RNF150: variants seen among roughly 807,000 people sequenced by gnomAD.
RNF150 encodes ring finger protein 150.
RNF150 carries 24 observed loss-of-function variants against 39.3 expected under a neutral mutation model. The ratio of observed to expected loss-of-function variants is 0.61; its 90% CI spans 0.44 to 0.86. The LOEUF (loss-of-function observed/expected upper bound fraction) is 0.86, where lower values mean the gene tolerates loss of function less well. Among genes scored for constraint, RNF150 ranks in the 40% least tolerant of loss-of-function variants. The pLI, the probability that RNF150 is intolerant of heterozygous loss-of-function variation, is 0.00. For missense variants in RNF150, 502 were observed against 587.8 expected, an observed-to-expected ratio of 0.85 and a Z score of 1.51; for synonymous variants, 255 against 227.3, an observed-to-expected ratio of 1.12 and a Z score of -1.10.
intron 1 of RNF150, among the ~76,000 whole-genome samples, chr4:140,991,466 G>A (rs1309346136): frequency 6.6e-6 from 1 of 151,826 alleles, no homozygotes; most frequent in African/African-American, 2.4e-5. Flanking sequence ...TTTCTTCTAG[G>A]GTTTTTATAG....
chr4:140,892,535 G>GAA lies in RNF150; in HGVS notation c.1198+18607_1198+18608dup, dbSNP rs1729790281. Among the ~76,000 whole-genome samples, 3 of 152,188 alleles carry GAA rather than the reference G, an allele frequency of 2.0e-5. No individual in the cohort carries two copies. In the South Asian group the frequency reaches 6.2e-4, roughly 31 times the overall value. On this transcript the variant is annotated intron_variant, in intron 6 of 6. Coordinates refer to ENST00000515673, the MANE Select transcript of RNF150 (RefSeq NM_020724.2). ...TGAACTGTACACAAATATTGGGTTTGAAAAAGACTTTTGTTAAAAACCCAA... is the reference window on the plus strand; with the variant it reads ...TGAACTGTACACAAATATTGGGTTTGAAAAAAAGACTTTTGTTAAAAACCCAA...
At chr4:141,079,599 C>T (rs576515849) in intron 1 of RNF150, among the ~76,000 whole-genome samples, 2 of 152,332 alleles carry the variant, frequency 1.3e-5, no homozygotes, top group African/African-American at 4.8e-5. Flanking sequence ...TGAGCAGCTG[C>T]TGTTGCTTTA....
intron 1 of RNF150, among the ~76,000 whole-genome samples, chr4:141,074,475 G>C (rs1487734721): frequency 6.6e-6 from 1 of 151,934 alleles, no homozygotes. Context: ...TGGTTCACAA[G>C]AAAAAAACTG....
chr4:140,882,844 A>G (rs554782669), intron 6 of RNF150, among the ~76,000 whole-genome samples: 5 of 152,010 alleles, frequency 3.3e-5, no homozygotes, highest in Admixed American at 6.6e-5. Context: ...GCATATAGTT[A>G]CCTTTTGTTT....
At chr4:141,103,164 A>G (rs1229705864) in intron 1 of RNF150, among the ~76,000 whole-genome samples, 2 of 152,180 alleles carry the variant, frequency 1.3e-5, no homozygotes, top group African/African-American at 4.8e-5. Context: ...TGAGAGATAA[A>G]GACTGCTAGA....
chr4:141,013,103 G>A (rs1735135268), intron 1 of RNF150, among the ~76,000 whole-genome samples: 1 of 152,152 alleles, frequency 6.6e-6, no homozygotes, highest in Admixed American at 6.5e-5. Context: ...GGATACTAAA[G>A]CATGTTTTTT....
At chr4:141,204,364 A>G (rs1578795872) in intron 1 of RNF150, among the ~76,000 whole-genome samples, 2 of 152,152 alleles carry the variant, frequency 1.3e-5, no homozygotes, top group African/African-American at 4.8e-5. Context: ...ACCAAGAAAA[A>G]TCTTTGCAAA....
chr4:140,918,248 C>T (rs1355724690), intron 5 of RNF150, among the ~76,000 whole-genome samples: 2 of 152,044 alleles, frequency 1.3e-5, no homozygotes, highest in Admixed American at 1.3e-4. Flanking sequence ...TTAATGAATC[C>T]AGGAGCTGGT....
intron 1 of RNF150, among the ~76,000 whole-genome samples, chr4:141,155,377 C>A (rs183689985): frequency 6.6e-6 from 1 of 151,412 alleles, no homozygotes; most frequent in Non-Finnish European, 1.5e-5. Context: ...GGATTACAGG[C>A]GTGAGCCACT....
At chr4:140,894,741 T>A (rs1027997343) in intron 6 of RNF150, among the ~76,000 whole-genome samples, 4 of 152,168 alleles carry the variant, frequency 2.6e-5, no homozygotes, top group African/African-American at 9.7e-5. Flanking sequence ...GCTGAATAGA[T>A]CTTCAATGTT....
rs372919365 is a variant in RNF150 at position 140,906,847 on chromosome 4, G to A, written c.1198+4297C>T. ...TAGTCTGAGATGGAAGAAGGGCCAA[G>A]TGGGTAACGATCTGCAGGCAGTGCT... On this transcript the variant is annotated intron_variant, in intron 6 of 6. Transcript: ENST00000515673. Among the ~76,000 whole-genome samples, 6 of 152,144 alleles carry A rather than the reference G, an allele frequency of 3.9e-5. No individual in the cohort carries two copies. In the East Asian group the frequency reaches 9.6e-4, roughly 24 times the overall value.
intron 1 of RNF150, among the ~76,000 whole-genome samples, chr4:141,161,970 G>A (rs1303640874): frequency 1.3e-5 from 2 of 152,224 alleles, no homozygotes; most frequent in African/African-American, 4.8e-5. Flanking sequence ...GTAATGTGGA[G>A]GGGAAATGTG....
chr4:140,913,145 C>T (rs1337047424), intron 5 of RNF150, among the ~76,000 whole-genome samples: 1 of 152,096 alleles, frequency 6.6e-6, no homozygotes, highest in African/African-American at 2.4e-5. Context: ...CCTGTAGTCC[C>T]AGCTACTGGG....
intron 6 of RNF150, among the ~76,000 whole-genome samples, chr4:140,895,755 C>T (rs1398951223): frequency 1.3e-5 from 2 of 152,136 alleles, no homozygotes; most frequent in East Asian, 3.9e-4. Flanking sequence ...GAATTCTTCC[C>T]TCAGTAAAAT....
chr4:140,945,189 G>A (rs954241116), intron 4 of RNF150, among the ~76,000 whole-genome samples: 5 of 152,106 alleles, frequency 3.3e-5, no homozygotes, highest in Non-Finnish European at 5.9e-5. Context: ...TCAAATAATC[G>A]TTTAAACAAG....
intron 1 of RNF150, among the ~76,000 whole-genome samples, chr4:141,184,881 G>A (rs1727973580): frequency 6.6e-6 from 1 of 151,506 alleles, no homozygotes; most frequent in Non-Finnish European, 1.5e-5. Flanking sequence ...GTGTGTGTGT[G>A]TGTGTGTGTG....
chr4:141,155,575 G>A (rs1054515849), intron 1 of RNF150, among the ~76,000 whole-genome samples: 1 of 152,140 alleles, frequency 6.6e-6, no homozygotes, highest in African/African-American at 2.4e-5. Context: ...GCAGGACTAG[G>A]AATAATCACA....
chr4:141,073,980 G>C (rs1406267741), intron 1 of RNF150, among the ~76,000 whole-genome samples: 3 of 151,954 alleles, frequency 2.0e-5, no homozygotes, highest in African/African-American at 4.8e-5. Flanking sequence ...CTGAGGTAGA[G>C]GACTGTTCCT....
Position 140,862,123 on chromosome 4 carries a change from CA to C in RNF150, c.*6137del, listed in dbSNP as rs1728515106. The C allele has an allele frequency of 6.6e-6, 1 of 152,160 alleles. No homozygotes were observed. Among genetic ancestry groups the C allele is most frequent in the African/African-American group, 2.4e-5 (1 of 41,438 alleles). The allele number at this position is 152,160 out of a possible 1,614,324, so 9.4% of individuals were successfully genotyped here. A position where few individuals can be genotyped will look rare whatever the true frequency, so the allele number is the denominator to read the frequency against. On this transcript the variant is annotated 3_prime_UTR_variant, in exon 7 of 7. Transcript: ENST00000515673. Reference sequence around the variant, plus strand: ...CCCTGCTTCTCCAAGCCTGTCACTTCACTAAGGATAACAGACCACAGATATT... The same window carrying C: ...CCCTGCTTCTCCAAGCCTGTCACTTCCTAAGGATAACAGACCACAGATATT...
Sources: gnomAD v4.1 joint callset for allele counts (sites outside exome capture counted in the v4.1 genomes callset) on GRCh38, gnomAD v4.1.1 for gene constraint, MANE v1.5 for transcripts, NCBI Gene and HGNC (gene_info 2026-07-23, HGNC 2026-07-21) for gene names.